The following RBM19 variants were observed in gnomAD, a reference collection of about 807,000 sequenced individuals.
RBM19 encodes probable RNA-binding protein 19.
A neutral mutation model predicts 116.8 loss-of-function variants in RBM19; 94 were observed. That is an observed-to-expected ratio of 0.80 (90% CI 0.68 to 0.95). RBM19 has a LOEUF of 0.95. RBM19 is among the 40% of genes least tolerant of loss of function. The pLI, the probability that RBM19 is intolerant of heterozygous loss-of-function variation, is 0.00. For synonymous variants in RBM19, 475 were observed against 494.1 expected, an observed-to-expected ratio of 0.96 and a Z score of 0.51; for missense variants, 1,161 against 1,220.7, an observed-to-expected ratio of 0.95 and a Z score of 0.73.
chr12:113,961,375 T>A (rs964226556), intron 2 of RBM19, among the ~76,000 whole-genome samples: 2 of 152,120 alleles, frequency 1.3e-5, no homozygotes, highest in Non-Finnish European at 2.9e-5. Flanking sequence ...GTTATCTCTA[T>A]AATAATGACA....
chr12:113,859,800 G>T (rs1565980348), intron 21 of RBM19, among the ~76,000 whole-genome samples: 1 of 152,056 alleles, frequency 6.6e-6, no homozygotes. Context: ...CTGAAGAGAG[G>T]TATTATTTTA....
intron 10 of RBM19, 97 bp from the exon 11 acceptor site, chr12:113,947,561 CA>C: frequency 1.5e-6 from 2 of 1,322,704 alleles, no homozygotes; most frequent in Non-Finnish European, 2.0e-6. Flanking sequence ...CCTCACAGGT[CA>C]TGGGTGTCAT....
chr12:113,878,632 GACACACACACAC>G lies in RBM19; in HGVS notation c.2559-19748_2559-19737del, dbSNP rs55868508. 1.5e-4 allele frequency among the ~76,000 whole-genome samples: 21 copies of G among 137,902 alleles called. No homozygotes were observed. The South Asian group carries it at 4.7e-3, about 31-fold the overall frequency. The allele number at this position is 137,902 out of a possible 152,430, so 90.5% of individuals were successfully genotyped here. ...AGAAAGAGGTACATCCATTCTCCCT[GACACACACACAC>G]ACACACACACACACACACACACACA... is the stretch of plus-strand genomic sequence containing the variant. On this transcript the variant is annotated intron_variant, in intron 21 of 23. Transcript: ENST00000261741.
intron 21 of RBM19, among the ~76,000 whole-genome samples, chr12:113,895,003 C>A (rs1471416426): frequency 6.6e-6 from 1 of 152,220 alleles, no homozygotes; most frequent in Non-Finnish European, 1.5e-5. Context: ...ACAATGAGAA[C>A]CACTTAGGCC....
chr12:113,922,717 T>C (rs1868698562), intron 18 of RBM19, among the ~76,000 whole-genome samples: 1 of 152,090 alleles, frequency 6.6e-6, no homozygotes, highest in Non-Finnish European at 1.5e-5. Context: ...CTGAAGACCC[T>C]GGAGAACAGG....
At chr12:113,831,305 T>G (rs939766789) in intron 23 of RBM19, among the ~76,000 whole-genome samples, 2 of 152,238 alleles carry the variant, frequency 1.3e-5, no homozygotes, top group African/African-American at 4.8e-5. Flanking sequence ...TACTTTCATT[T>G]GTGGTCATGA....
rs144473161 is a variant in RBM19 at position 113,940,053 on chromosome 12, G to A, written c.1845C>T (p.Arg615=). 4.2e-5 allele frequency: 67 copies of A among 1,613,904 alleles called. No homozygotes were observed. The highest frequency in any genetic ancestry group is 1.1e-4 in the South Asian group (10 of 91,088). ...TGATTCCGCCCTCTGGCAGCAGCAC[G>A]CGGCCCAGGCTGCCAAAATGGCCGA... is the stretch of plus-strand genomic sequence containing the variant. ...ETFGHFGSLG[R]VLLPEGGITA... Residue 615 remains arginine (R), a synonymous_variant, in exon 15 of 24, where the codon CGC becomes CGT. Coordinates refer to ENST00000261741, the MANE Select transcript of RBM19 (RefSeq NM_016196.4).
chr12:113,864,207 T>C (rs2135752173), intron 21 of RBM19, among the ~76,000 whole-genome samples: 1 of 152,256 alleles, frequency 6.6e-6, no homozygotes, highest in South Asian at 2.1e-4. Context: ...GCTCACACGA[T>C]TGGTCCACCT....
intron 21 of RBM19, among the ~76,000 whole-genome samples, chr12:113,890,269 CGT>C (rs1880865946): frequency 6.6e-6 from 1 of 152,176 alleles, no homozygotes; most frequent in African/African-American, 2.4e-5. Context: ...GGCTCTGGGC[CGT>C]GAGTGGCCGG....
At chr12:113,866,956 C>T (rs77707178) in intron 21 of RBM19, among the ~76,000 whole-genome samples, 10,078 of 152,314 alleles carry the variant, frequency 0.066, 654 homozygotes, top group East Asian at 0.34. Context: ...GGTACCACGT[C>T]CTACATTTGG....
Position 113,960,478 on chromosome 12 carries a change from C to A in RBM19, c.220-300G>T, listed in dbSNP as rs144343855. On this transcript the variant is annotated intron_variant, in intron 2 of 23. Coordinates refer to ENST00000261741, the MANE Select transcript of RBM19 (RefSeq NM_016196.4). Reference sequence around the variant, plus strand: ...GCTCTGCAAGTACTGATACACCGAGCCTCTCATGTCAGTGACAGCTATGAC... The same window carrying A: ...GCTCTGCAAGTACTGATACACCGAGACTCTCATGTCAGTGACAGCTATGAC... Among the ~76,000 whole-genome samples, 330 of 152,328 alleles carry A rather than the reference C, an allele frequency of 2.2e-3. 3 individuals carry two copies. Among genetic ancestry groups the A allele is most frequent in the African/African-American group, 7.6e-3 (315 of 41,574 alleles).
chr12:113,952,682 A>G (rs1389392741), intron 7 of RBM19, 92 bp from the exon 8 acceptor site: 1 of 985,344 alleles, frequency 1.0e-6, no homozygotes, highest in Non-Finnish European at 1.6e-6. Flanking sequence ...ATCAGAAAGG[A>G]TTACAAAGTG....
intron 23 of RBM19, among the ~76,000 whole-genome samples, chr12:113,834,131 G>A (rs547103389): frequency 1.3e-5 from 2 of 152,280 alleles, no homozygotes; most frequent in East Asian, 3.9e-4. Flanking sequence ...TAGGGCAGGG[G>A]AGGGGGGCAA....
At chr12:113,893,566 T>G (rs932650198) in intron 21 of RBM19, among the ~76,000 whole-genome samples, 30 of 152,230 alleles carry the variant, frequency 2.0e-4, no homozygotes, top group African/African-American at 7.2e-4. Context: ...TGCTGAACAC[T>G]GGTAGTGTTT....
chr12:113,828,483 C>T (rs1366423114), intron 23 of RBM19, among the ~76,000 whole-genome samples: 1 of 151,606 alleles, frequency 6.6e-6, no homozygotes, highest in Non-Finnish European at 1.5e-5. Context: ...GGAGACAGAA[C>T]TGATTCCAAG....
rs1054542244 is a variant in RBM19, at chr12:113,825,708, C to T, written c.2786-2387G>A. Among the ~76,000 whole-genome samples the T allele has an allele frequency of 3.9e-5, 6 of 152,122 alleles. No individual in the cohort carries two copies. The highest frequency in any genetic ancestry group is 2.1e-4 in the South Asian group (1 of 4,820). On this transcript the variant is annotated intron_variant, in intron 23 of 23. Transcript: ENST00000261741. The surrounding 1 kb of genome is among the most constrained non-coding windows in gnomAD (Gnocchi z 5.7). The stretch of plus-strand genomic sequence containing the variant: ...ACAACTTGGAGGGACTGGCGAGGGG[C>T]GAGTTCTAGCCCCATCCATTGTGTC...
chr12:113,933,054 A>C (rs542439566), intron 16 of RBM19, among the ~76,000 whole-genome samples: 25 of 152,238 alleles, frequency 1.6e-4, no homozygotes, highest in African/African-American at 5.5e-4. Flanking sequence ...GCAGCTTTTC[A>C]GGACCTCCCC....
intron 6 of RBM19, among the ~76,000 whole-genome samples, chr12:113,956,190 G>A (rs111884707): frequency 0.03 from 4,504 of 152,230 alleles, 100 homozygotes; most frequent in Middle Eastern, 0.041. Flanking sequence ...AGGACAGAGT[G>A]CATAATTAGA....
chr12:113,923,761 G>C (rs1326226626), intron 18 of RBM19, among the ~76,000 whole-genome samples: 1 of 152,210 alleles, frequency 6.6e-6, no homozygotes, highest in Non-Finnish European at 1.5e-5. Context: ...CTGGACGCCT[G>C]TCCCTGCCAT....
Sources: gnomAD v4.1 joint callset for allele counts (sites outside exome capture counted in the v4.1 genomes callset) on GRCh38, gnomAD v4.1.1 for gene constraint, Gnocchi (gnomAD v3.1) non-coding constraint, MANE v1.5 for transcripts, NCBI Gene and HGNC (gene_info 2026-07-23, HGNC 2026-07-21) for gene names.